The following PDSS2 variants were observed in gnomAD, a reference collection of about 807,000 sequenced individuals.
The protein encoded by PDSS2 is all trans-polyprenyl-diphosphate synthase PDSS2.
PDSS2 carries 31 observed loss-of-function variants against 44.5 expected under a neutral mutation model. The observed-to-expected ratio is 0.70, with a 90% CI of 0.52 to 0.94. The LOEUF is 0.94. Ranked by LOEUF, PDSS2 falls within the 40% of genes least tolerant of loss-of-function variation. The pLI is 0.00. For synonymous variants in PDSS2, 157 were observed against 180.3 expected (o/e 0.87, Z 1.03); for missense variants, 452 against 482.2 (o/e 0.94, Z 0.59).
intron 1 of PDSS2, among the ~76,000 whole-genome samples, chr6:107,402,462 ACG>A: frequency 7.0e-6 from 1 of 142,434 alleles, no homozygotes; most frequent in African/African-American, 2.6e-5. Context: ...ACATATATAT[ACG>A]TATATATATG....
chr6:107,164,590 A>G (rs1554247226), intron 7 of PDSS2, among the ~76,000 whole-genome samples: 1 of 152,136 alleles, frequency 6.6e-6, no homozygotes, highest in African/African-American at 2.4e-5. Context: ...GGTTGGTTCC[A>G]AGTCTTTGCT....
At chr6:107,334,463 A>G in intron 1 of PDSS2, 131 bp from the exon 2 acceptor site, 1 of 799,840 alleles carries the variant, frequency 1.3e-6, no homozygotes, top group Non-Finnish European at 2.1e-6. Context: ...AAACAGGGTC[A>G]GGGAGGAAAA....
intron 2 of PDSS2, among the ~76,000 whole-genome samples, chr6:107,311,704 CT>C (rs900633713): frequency 2.6e-5 from 4 of 152,090 alleles, no homozygotes; most frequent in Non-Finnish European, 5.9e-5. Context: ...TAAGAAAGAC[CT>C]GGTTGAAATC....
rs201053158 is a variant in PDSS2 at position 107,189,926 on chromosome 6, T to TA, written c.1041+3895dup. Among the ~76,000 whole-genome samples, 699 of 149,820 alleles carry TA rather than the reference T, an allele frequency of 4.7e-3. 8 individuals carry two copies. The highest frequency in any genetic ancestry group is 0.015 in the African/African-American group (618 of 40,814). On this transcript the variant is annotated intron_variant, in intron 7 of 7. Transcript: ENST00000369037. ...ATAAATAAAGAAAGAAAGAAACAAATAAAAAAAAATAGCCGGGTGTGGTGA... is the reference window on the plus strand; with the variant it reads ...ATAAATAAAGAAAGAAAGAAACAAATAAAAAAAAAATAGCCGGGTGTGGTGA...
chr6:107,430,300 G>C (rs1039732740), intron 1 of PDSS2, among the ~76,000 whole-genome samples: 1 of 152,072 alleles, frequency 6.6e-6, no homozygotes, highest in Admixed American at 6.5e-5. Context: ...AGGAGGTCAA[G>C]ACTAGCCTGG....
At chr6:107,228,259 G>A (rs530176779) in intron 4 of PDSS2, among the ~76,000 whole-genome samples, 15 of 152,206 alleles carry the variant, frequency 9.9e-5, no homozygotes, top group Admixed American at 2.0e-4. Flanking sequence ...AGCTTTCTTA[G>A]TCACCAACAG....
In PDSS2 at chr6:107,212,255, T is replaced by G; in HGVS notation, c.730A>C (p.Ile244Leu). 6.2e-7 allele frequency: 1 copy of G among 1,613,740 alleles called. No individual in the cohort carries two copies. The highest frequency in any genetic ancestry group is 8.5e-7 in the Non-Finnish European group (1 of 1,179,724). Residue 244 changes from isoleucine (I) to leucine (L), a missense_variant, in exon 5 of 8, where the codon ATA becomes CTA. Coordinates refer to ENST00000369037, the MANE Select transcript of PDSS2 (RefSeq NM_020381.4). ...KESYITDDIG[I>L]STWKEQTFLS... is the part of the protein sequence containing the mutation. ...AAAGTCTGCTCCTTCCAAGTCGATA[T>G]TCCAATATCATCTGTGATATAACTT...
At chr6:107,295,838 T>G (rs994716346) in intron 2 of PDSS2, among the ~76,000 whole-genome samples, 1 of 151,796 alleles carries the variant, frequency 6.6e-6, no homozygotes, top group Non-Finnish European at 1.5e-5. Context: ...GAATAATTTT[T>G]TTTAGAGAAA....
chr6:107,208,095 T>G (rs1015591476), intron 6 of PDSS2, among the ~76,000 whole-genome samples: 6 of 147,714 alleles, frequency 4.1e-5, no homozygotes. Flanking sequence ...CAAGGGATTC[T>G]CCTGCCTCAG....
chr6:107,372,810 G>A (rs993068922), intron 1 of PDSS2, among the ~76,000 whole-genome samples: 9 of 152,008 alleles, frequency 5.9e-5, no homozygotes, highest in African/African-American at 2.2e-4. Flanking sequence ...GTTTAAAAAT[G>A]TTGATATTAG....
intron 7 of PDSS2, among the ~76,000 whole-genome samples, chr6:107,157,827 C>A (rs369343317): frequency 6.6e-6 from 1 of 152,012 alleles, no homozygotes; most frequent in Non-Finnish European, 1.5e-5. Flanking sequence ...CCCGCCACCA[C>A]GCCTGGCTAA....
chr6:107,218,910 T>C (rs1324597454), intron 4 of PDSS2, among the ~76,000 whole-genome samples: 1 of 152,016 alleles, frequency 6.6e-6, no homozygotes, highest in Non-Finnish European at 1.5e-5. Flanking sequence ...ATGCAAACAT[T>C]AGCTGGGCCT....
intron 3 of PDSS2, among the ~76,000 whole-genome samples, chr6:107,253,860 G>A (rs1774909916): frequency 6.6e-6 from 1 of 151,986 alleles, no homozygotes; most frequent in Admixed American, 6.6e-5. Context: ...ACAATTTAAA[G>A]CGCTTAAGAT....
In PDSS2 at chr6:107,154,316, T is replaced by A. The variant is rs1384280064; in HGVS notation, c.*303A>T. On this transcript the variant is annotated 3_prime_UTR_variant, in exon 8 of 8. Coordinates refer to ENST00000369037, the MANE Select transcript of PDSS2 (RefSeq NM_020381.4). ...TGGCGCCATCCCTGGCTCGGTCCAA[T>A]CAATAAGGACTTATTTCCTGTCCAT... The A allele has an allele frequency of 3.0e-5, 11 of 369,896 alleles. No individual in the cohort carries two copies. The highest frequency in any genetic ancestry group is 2.3e-4 in the African/African-American group (11 of 47,578). 22.9% of individuals were successfully genotyped at this position (369,896 alleles called of 1,614,324 possible). A position where few individuals can be genotyped will look rare whatever the true frequency, so the allele number is the denominator to read the frequency against.
intron 3 of PDSS2, among the ~76,000 whole-genome samples, chr6:107,270,408 G>A (rs1775563074): frequency 6.6e-6 from 1 of 151,840 alleles, no homozygotes; most frequent in Non-Finnish European, 1.5e-5. Context: ...CACCGTGCCT[G>A]GCCTGAAGTG....
intron 3 of PDSS2, among the ~76,000 whole-genome samples, chr6:107,262,834 C>A (rs1775286221): frequency 6.6e-6 from 1 of 151,948 alleles, no homozygotes; most frequent in Non-Finnish European, 1.5e-5. Flanking sequence ...GTCATCTCAA[C>A]ACTTGGGGAG....
At chr6:107,418,592 T>C (rs1406118607) in intron 1 of PDSS2, among the ~76,000 whole-genome samples, 1 of 152,064 alleles carries the variant, frequency 6.6e-6, no homozygotes, top group Non-Finnish European at 1.5e-5. Context: ...GGAAACATGA[T>C]GATACCCCGC....
At chr6:107,346,374 G>C (rs1778249045) in intron 1 of PDSS2, among the ~76,000 whole-genome samples, 1 of 152,128 alleles carries the variant, frequency 6.6e-6, no homozygotes. Flanking sequence ...TGAGGTGGTG[G>C]TTATCCCCAT....
At chr6:107,362,152 C>T (rs1296787768) in intron 1 of PDSS2, among the ~76,000 whole-genome samples, 1 of 152,190 alleles carries the variant, frequency 6.6e-6, no homozygotes. Context: ...CTTGACCCCA[C>T]ATATTTACGG....
Sources: gnomAD v4.1 joint callset for allele counts (sites outside exome capture counted in the v4.1 genomes callset) on GRCh38, gnomAD v4.1.1 for gene constraint, MANE v1.5 for transcripts, NCBI Gene and HGNC (gene_info 2026-07-23, HGNC 2026-07-21) for gene names.